TTC3: variants seen among roughly 807,000 people sequenced by gnomAD.
TTC3 encodes the protein E3 ubiquitin-protein ligase TTC3.
A neutral mutation model predicts 249.6 loss-of-function variants in TTC3; 180 were observed. The ratio of observed to expected loss-of-function variants is 0.72; its 90% CI spans 0.64 to 0.82. The LOEUF (loss-of-function observed/expected upper bound fraction) is 0.82, where lower values mean the gene tolerates loss of function less well. Ranked by LOEUF, TTC3 falls within the 40% of genes least tolerant of loss-of-function variation. The pLI is 0.00. For synonymous variants in TTC3, 717 were observed against 805.0 expected, an observed-to-expected ratio of 0.89 and a Z score of 1.85; for missense variants, 2,061 against 2,398.4, an observed-to-expected ratio of 0.86 and a Z score of 2.94.
intron 24 of TTC3, 28 bp downstream of exon 24, chr21:37,150,198 G>T: frequency 6.7e-7 from 1 of 1,492,838 alleles, no homozygotes; most frequent in Non-Finnish European, 9.3e-7. Flanking sequence ...AACCTTGTTA[G>T]ATAGATAACC....
chr21:37,122,439 A>ATATATATATAATATATATATATATAT (rs2076691430), intron 12 of TTC3, among the ~76,000 whole-genome samples: 1 of 23,300 alleles, frequency 4.3e-5, no homozygotes, highest in African/African-American at 1.6e-4. Flanking sequence ...TATATATATT[A>ATATATATATAATATATATATATATAT]TATATATATA....
intron 1 of TTC3, chr21:37,083,263 G>A (rs1479486175): frequency 2.0e-6 from 2 of 985,404 alleles, no homozygotes; most frequent in East Asian, 1.1e-4. Context: ...TGTGTGTTGT[G>A]GAGTGACTGG....
intron 9 of TTC3, among the ~76,000 whole-genome samples, chr21:37,095,865 T>C (rs1413586889): frequency 1.3e-5 from 2 of 152,362 alleles, no homozygotes; most frequent in East Asian, 3.9e-4. Context: ...AGAGAATGCA[T>C]ACATGCTCTC....
chr21:37,088,100 C>A, intron 3 of TTC3, 96 bp from the exon 4 acceptor site: 1 of 1,119,368 alleles, frequency 8.9e-7, no homozygotes, highest in Non-Finnish European at 1.2e-6. Flanking sequence ...TCATTTCTTC[C>A]CTCTCCATAT....
chr21:37,096,990 A>G (rs2074008920), intron 10 of TTC3: 1 of 177,214 alleles, frequency 5.6e-6, no homozygotes, highest in Non-Finnish European at 1.2e-5. Flanking sequence ...CACAGATTTT[A>G]TCTGATGATG....
chr21:37,193,028 A>G (rs2148215922), intron 41 of TTC3, among the ~76,000 whole-genome samples: 1 of 152,350 alleles, frequency 6.6e-6, no homozygotes, highest in Non-Finnish European at 1.5e-5. Context: ...AAACAAAATT[A>G]AAGGAGGACT....
chr21:37,180,445 T>G (rs1291958902), intron 35 of TTC3, among the ~76,000 whole-genome samples: 1 of 151,744 alleles, frequency 6.6e-6, no homozygotes, highest in East Asian at 1.9e-4. Flanking sequence ...AAATGATGAG[T>G]TCATGTCCTT....
intron 12 of TTC3, 85 bp from the exon 13 acceptor site, chr21:37,122,898 G>C (rs2076737668): frequency 7.3e-7 from 1 of 1,370,732 alleles, no homozygotes. Context: ...CTTACTATCA[G>C]CTTAAAGTAA....
chr21:37,126,192 C>T (rs557400208), intron 15 of TTC3, 49 bp downstream of exon 15: 185 of 1,577,714 alleles, frequency 1.2e-4, no homozygotes, highest in Non-Finnish European at 1.6e-4. Context: ...ATAATGTCTC[C>T]TAAATTTGGA....
Position 37,160,882 on chromosome 21 carries a change from T to C in TTC3, c.3096+24T>C, listed in dbSNP as rs773677609. On this transcript the variant is annotated intron_variant, in intron 30 of 45. Transcript: ENST00000355666. ...AGGTATGGAGTATTTTCTGTATTAA[T>C]TCTTGTCTAAACTCTCCAAAATAGT... 2.5e-6 allele frequency: 4 copies of C among 1,608,228 alleles called. No individual in the cohort carries two copies. The African/African-American group carries it at 5.4e-5, about 22-fold the overall frequency.
At chr21:37,191,122 T>TCAATCAA (rs2084033439) in intron 39 of TTC3, among the ~76,000 whole-genome samples, 1 of 152,172 alleles carries the variant, frequency 6.6e-6, no homozygotes, top group African/African-American at 2.4e-5. Flanking sequence ...TGCCCTTCGG[T>TCAATCAA]TTTAGAGTTT....
At chr21:37,096,595 T>C (rs750625397) in exon 10 of TTC3, 2 of 1,612,206 alleles carry the variant, frequency 1.2e-6, no homozygotes. Context: ...GAAAACTACC[T>C]TCTTTATGGT....
exon 27 of TTC3, chr21:37,152,957 T>C (rs540143918): frequency 6.3e-7 from 1 of 1,587,422 alleles, no homozygotes; most frequent in East Asian, 2.3e-5. Context: ...TTAGAAACTG[T>C]AGACAATGTT....
chr21:37,087,264 A>T (rs753775126), exon 2 of TTC3: 1 of 1,613,776 alleles, frequency 6.2e-7, no homozygotes, highest in Non-Finnish European at 8.5e-7. Flanking sequence ...CACCATGGAC[A>T]ATTTTGCTGA....
At chr21:37,200,156 C>A in intron 44 of TTC3, 76 bp from the exon 45 acceptor site, 1 of 1,373,230 alleles carries the variant, frequency 7.3e-7, no homozygotes, top group Non-Finnish European at 1.0e-6. Flanking sequence ...TGTTTGAAGG[C>A]CACTTGAAGG....
intron 18 of TTC3, 37 bp downstream of exon 18, chr21:37,135,551 A>T: frequency 5.0e-6 from 8 of 1,599,076 alleles, no homozygotes; most frequent in Non-Finnish European, 5.1e-6. Context: ...TATCAATGCT[A>T]ATGCACCTCA....
chr21:37,117,914 G>T (rs1228246920), intron 11 of TTC3, among the ~76,000 whole-genome samples: 1 of 151,092 alleles, frequency 6.6e-6, no homozygotes, highest in African/African-American at 2.4e-5. Context: ...CTTGTTCCTG[G>T]CTTAGTTTCT....
In TTC3 at chr21:37,076,765, C is replaced by T. The variant is rs1039698125; in HGVS notation, c.-12+3401C>T. Among the ~76,000 whole-genome samples the T allele has an allele frequency of 8.9e-5, 12 of 134,680 alleles. 1 individual carries two copies. Among genetic ancestry groups the T allele is most frequent in the Admixed American group, 1.8e-4 (2 of 11,088 alleles). The allele number at this position is 134,680 out of a possible 152,430, so 88.4% of individuals were successfully genotyped here. A position where few individuals can be genotyped will look rare whatever the true frequency, so the allele number is the denominator to read the frequency against. ...TTGCCCAGGCTGGAGTGCAATGGCA[C>T]GATCTCGGCTCACTGCAACCTCTGC... On this transcript the variant is annotated intron_variant, in intron 1 of 45. Transcript: ENST00000355666.
chr21:37,132,982 G>A (rs1284511493), intron 17 of TTC3, among the ~76,000 whole-genome samples: 2 of 152,118 alleles, frequency 1.3e-5, no homozygotes, highest in Admixed American at 6.6e-5. Context: ...GATTACAGGT[G>A]TGAGCTATTG....
Sources: gnomAD v4.1 joint callset for allele counts (sites outside exome capture counted in the v4.1 genomes callset) on GRCh38, gnomAD v4.1.1 for gene constraint, MANE v1.5 for transcripts, NCBI Gene and HGNC (gene_info 2026-07-23, HGNC 2026-07-21) for gene names.